ACACA: variants seen among roughly 807,000 people sequenced by gnomAD.
The protein encoded by ACACA is acetyl-CoA carboxylase 1.
Under a neutral mutation model 296.1 loss-of-function variants are expected in ACACA, and 103 were observed. The ratio of observed to expected loss-of-function variants is 0.35; its 90% CI spans 0.30 to 0.41. The LOEUF (loss-of-function observed/expected upper bound fraction) is 0.41, where lower values mean the gene tolerates loss of function less well. Among genes scored for constraint, ACACA ranks in the 10% least tolerant of loss-of-function variants. ACACA has a pLI of 1.00. For missense variants in ACACA, 1,554 were observed against 2,989.7 expected (o/e 0.52, Z 11.20); for synonymous variants, 953 against 1,038.6 (o/e 0.92, Z 1.58).
rs748487911 is a variant in ACACA at position 37,221,719 on chromosome 17, C to T, written c.3683+5G>A. On this transcript the variant is annotated splice_donor_5th_base_variant and intron_variant, in intron 29 of 55. Transcript: ENST00000616317. ...GCTCGGGTGCACATACCACCTCAAA[C>T]TCACCTGTTTGGATGAGATGTGGGC... 6.2e-7 allele frequency: 1 copy of T among 1,611,674 alleles called. No individual in the cohort carries two copies. Among genetic ancestry groups the T allele is most frequent in the South Asian group, 1.1e-5 (1 of 91,032 alleles).
chr17:37,106,259 C>T (rs915671008), intron 52 of ACACA, among the ~76,000 whole-genome samples: 1 of 152,092 alleles, frequency 6.6e-6, no homozygotes, highest in African/African-American at 2.4e-5. Flanking sequence ...GTTTTAAATG[C>T]CTTAAGGGAG....
chr17:37,304,760 G>A (rs1011098821), intron 3 of ACACA, among the ~76,000 whole-genome samples: 1 of 150,824 alleles, frequency 6.6e-6, no homozygotes, highest in African/African-American at 2.5e-5. Flanking sequence ...TTGCACTCCA[G>A]CCTGGGCAAC....
At chr17:37,314,047 A>AT (rs2046971415) in intron 3 of ACACA, among the ~76,000 whole-genome samples, 1 of 152,096 alleles carries the variant, frequency 6.6e-6, no homozygotes, top group African/African-American at 2.4e-5. Context: ...CTATTGAGCC[A>AT]TAAAAAAGAA....
At chr17:37,128,650 T>A (rs1169918364) in intron 47 of ACACA, among the ~76,000 whole-genome samples, 1 of 152,234 alleles carries the variant, frequency 6.6e-6, no homozygotes, top group African/African-American at 2.4e-5. Flanking sequence ...CCAAATGGAC[T>A]GACAAATGAG....
chr17:37,196,314 A>C (rs2077993987), intron 35 of ACACA, among the ~76,000 whole-genome samples: 1 of 152,074 alleles, frequency 6.6e-6, no homozygotes, highest in African/African-American at 2.4e-5. Context: ...AGAACTACTA[A>C]TTATGATAAC....
intron 41 of ACACA, chr17:37,162,626 T>C: frequency 3.5e-6 from 1 of 281,692 alleles, no homozygotes; most frequent in South Asian, 3.7e-5. Context: ...ATGAACGCCT[T>C]GGGCACACTA....
intron 41 of ACACA, among the ~76,000 whole-genome samples, chr17:37,173,807 G>C (rs1169886995): frequency 6.7e-6 from 1 of 148,418 alleles, no homozygotes; most frequent in Non-Finnish European, 1.5e-5. Flanking sequence ...TACCAGTCAT[G>C]ATGGCAGCTA....
Position 37,086,915 on chromosome 17 carries a change from T to C in ACACA, c.*401A>G, listed in dbSNP as rs2072240441. ...TGGCTGCGGCTCATGGGGCCAGGAG[T>C]GAGGGGGGCTGCTCACTGCTGGGCA... On this transcript the variant is annotated 3_prime_UTR_variant, in exon 56 of 56. Transcript: ENST00000616317. 1 of 293,374 alleles carries C rather than the reference T, an allele frequency of 3.4e-6. No individual in the cohort carries two copies. Among genetic ancestry groups the C allele is most frequent in the East Asian group, 8.2e-5 (1 of 12,144 alleles). The allele number at this position is 293,374 out of a possible 1,614,324, so 18.2% of individuals were successfully genotyped here.
Position 37,248,003 on chromosome 17 carries a change from C to T in ACACA, c.2309+8G>A. The T allele has an allele frequency of 6.2e-7, 1 of 1,613,948 alleles. No homozygotes were observed. The highest frequency in any genetic ancestry group is 8.5e-7 in the Non-Finnish European group (1 of 1,179,998). On this transcript the variant is annotated splice_region_variant and intron_variant, in intron 18 of 55. Transcript: ENST00000616317. ...TGACCAGCAAATGGACCTCAAACAGCCACTTACCTATCCACTTCCTCTTTC... is the reference window on the plus strand; with the variant it reads ...TGACCAGCAAATGGACCTCAAACAGTCACTTACCTATCCACTTCCTCTTTC...
chr17:37,322,376 T>C (rs542329236), intron 3 of ACACA, among the ~76,000 whole-genome samples: 34 of 152,156 alleles, frequency 2.2e-4, no homozygotes, highest in Admixed American at 1.8e-3. Context: ...AAAATGAAGA[T>C]CATTCAGTGA....
chr17:37,164,026 A>G (rs182850885), intron 41 of ACACA, among the ~76,000 whole-genome samples: 10 of 152,088 alleles, frequency 6.6e-5, no homozygotes, highest in Admixed American at 6.5e-4. Flanking sequence ...CTATACCTGG[A>G]TAAGTAATGT....
chr17:37,221,602 T>C, intron 29 of ACACA, 122 bp downstream of exon 29: 1 of 863,086 alleles, frequency 1.2e-6, no homozygotes, highest in South Asian at 1.4e-5. Context: ...TTGGTTCATA[T>C]TGTTCATTTT....
In ACACA at chr17:37,196,869, T is replaced by C. The variant is rs184845822; in HGVS notation, c.4158+3270A>G. On this transcript the variant is annotated intron_variant, in intron 35 of 55. Coordinates refer to ENST00000616317, the MANE Select transcript of ACACA (RefSeq NM_198834.3). ...CATTTTTTTCTTTTATTTTTTATTT[T>C]CAGATGAACATCATGATCTACTTTA... is the stretch of plus-strand genomic sequence containing the variant. Among the ~76,000 whole-genome samples, 40 of 152,338 alleles carry C rather than the reference T, an allele frequency of 2.6e-4. No homozygotes were observed. The East Asian group carries it at 7.7e-3, about 29-fold the overall frequency.
chr17:37,216,198 G>T (rs1425247203), intron 29 of ACACA, among the ~76,000 whole-genome samples: 1 of 146,258 alleles, frequency 6.8e-6, no homozygotes, highest in Non-Finnish European at 1.5e-5. Flanking sequence ...ACGTGTGTGT[G>T]TGTGTGTGTG....
chr17:37,351,241 C>A (rs1473529652), intron 1 of ACACA, among the ~76,000 whole-genome samples: 1 of 152,164 alleles, frequency 6.6e-6, no homozygotes, highest in Non-Finnish European at 1.5e-5. Context: ...ACCGGAGGAT[C>A]ACCTGATGTC....
intron 24 of ACACA, among the ~76,000 whole-genome samples, chr17:37,237,188 G>C (rs2080153751): frequency 6.6e-6 from 1 of 152,010 alleles, no homozygotes; most frequent in African/African-American, 2.4e-5. Flanking sequence ...TTCAGTGTAT[G>C]CCTTGGTGCA....
chr17:37,379,602 A>T (rs1365868719), intron 1 of ACACA, among the ~76,000 whole-genome samples: 18 of 152,140 alleles, frequency 1.2e-4, no homozygotes, highest in Non-Finnish European at 1.2e-4. Context: ...CTCCCATCAA[A>T]AAGTGGGCAA....
At chr17:37,096,886 C>T (rs1295812881) in intron 54 of ACACA, 110 bp downstream of exon 54, 4 of 1,317,050 alleles carry the variant, frequency 3.0e-6, no homozygotes, top group East Asian at 2.3e-5. Context: ...CTATGTTTCC[C>T]TTCTACTCCT....
chr17:37,121,440 C>T lies in ACACA; in HGVS notation c.6189G>A (p.Thr2063=), dbSNP rs1470452. The change falls in exon 50 of 56, where the codon ACG becomes ACA. Residue 2063 remains threonine (T), a synonymous_variant. Coordinates refer to ENST00000616317, the MANE Select transcript of ACACA (RefSeq NM_198834.3). ...GGTTGAAGTCCTTGATGGCCTGATA[C>T]GTCTTAAACGCAGAATCTGGGAACC... ...QVWFPDSAFK[T]YQAIKDFNRE... The T allele has an allele frequency of 7.7e-4, 1,240 of 1,614,012 alleles. 5 individuals carry two copies. The highest frequency in any genetic ancestry group is 9.7e-4 in the Admixed American group (58 of 60,004).
Sources: allele counts gnomAD v4.1 joint callset (sites outside exome capture counted in the v4.1 genomes callset), GRCh38; gene constraint gnomAD v4.1.1; transcripts MANE v1.5; gene names NCBI Gene and HGNC (gene_info 2026-07-23, HGNC 2026-07-21).